Variants in SWT1 observed in about 807,000 individuals in gnomAD.
SWT1 encodes the protein transcriptional protein SWT1.
A neutral mutation model predicts 107.3 loss-of-function variants in SWT1; 33 were observed. The observed-to-expected ratio is 0.31, with a 90% CI of 0.23 to 0.41. The LOEUF is 0.41. SWT1 is among the 10% of genes least tolerant of loss of function. The pLI, the probability that SWT1 is intolerant of heterozygous loss-of-function variation, is 1.00. For synonymous variants in SWT1, 345 were observed against 348.3 expected (o/e 0.99, Z 0.11); for missense variants, 898 against 1,028.9 (o/e 0.87, Z 1.74).
At chr1:185,171,409 A>G (rs1215076315) in intron 4 of SWT1, 2 of 211,046 alleles carry the variant, frequency 9.5e-6, no homozygotes, top group East Asian at 1.5e-4. Context: ...TTTTGCTGTT[A>G]GCAGTTACGC....
intron 7 of SWT1, among the ~76,000 whole-genome samples, chr1:185,183,005 C>T (rs1259337606): frequency 6.6e-6 from 1 of 151,038 alleles, no homozygotes; most frequent in East Asian, 2.0e-4. Flanking sequence ...GGCATGGTGG[C>T]CCATGCCTGT....
chr1:185,166,668 T>A lies in SWT1; in HGVS notation c.165+16T>A, dbSNP rs546802647. 62 of 1,475,462 alleles carry A rather than the reference T, an allele frequency of 4.2e-5. No homozygotes were observed. The South Asian group carries it at 7.2e-4, about 17-fold the overall frequency. The allele number at this position is 1,475,462 out of a possible 1,614,324, so 91.4% of individuals were successfully genotyped here. Reference sequence around the variant, plus strand: ...GAGAAAACTGGTGAGTGTCTAGATATAACTAACTAAAAGTTATTTATGCTA... The same window carrying A: ...GAGAAAACTGGTGAGTGTCTAGATAAAACTAACTAAAAGTTATTTATGCTA... On this transcript the variant is annotated intron_variant, in intron 3 of 18. Transcript: ENST00000367500.
intron 18 of SWT1, among the ~76,000 whole-genome samples, chr1:185,287,955 A>G (rs1301542622): frequency 6.6e-6 from 1 of 152,240 alleles, no homozygotes; most frequent in Non-Finnish European, 1.5e-5. Context: ...GGTGAGAGGA[A>G]GAAAAACATA....
At chr1:185,273,320 G>T (rs1393119602) in intron 17 of SWT1, among the ~76,000 whole-genome samples, 2 of 151,968 alleles carry the variant, frequency 1.3e-5, no homozygotes, top group African/African-American at 2.4e-5. Context: ...CAGGAGAATT[G>T]CTTGGACCTG....
chr1:185,157,653 C>T (rs551814419), intron 1 of SWT1: 1 of 152,502 alleles, frequency 6.6e-6, no homozygotes, highest in African/African-American at 2.4e-5. Flanking sequence ...GCACCCTCAC[C>T]TACACCGTGA....
Position 185,182,005 on chromosome 1 carries a change from A to C in SWT1, c.1086A>C (p.Gly362=). The change falls in exon 7 of 19, where the codon GGA becomes GGC. Residue 362 remains glycine (G), a synonymous_variant. Transcript: ENST00000367500. ...ARVGKSVDLP[G]ELMSMEIDLE... ...TGGGAAAAAGTGTGGATTTACCTGG[A>C]GAGTTAATGAGTATGGAAATTGACT... The C allele has an allele frequency of 6.2e-7, 1 of 1,613,764 alleles. No individual in the cohort carries two copies. Among genetic ancestry groups the C allele is most frequent in the Non-Finnish European group, 8.5e-7 (1 of 1,179,756 alleles).
In SWT1 at chr1:185,244,736, CT is replaced by C. The variant is rs1432884166; in HGVS notation, c.2441+13032del. ...TGTTATAACTTTTTAATTTTATGAACTTTTGATTTTTTAATACTTTTTGACT... is the reference window on the plus strand; with the variant it reads ...TGTTATAACTTTTTAATTTTATGAACTTTGATTTTTTAATACTTTTTGACT... On this transcript the variant is annotated intron_variant, in intron 16 of 18. Transcript: ENST00000367500. Among the ~76,000 whole-genome samples, 3 of 152,200 alleles carry C rather than the reference CT, an allele frequency of 2.0e-5. No individual in the cohort carries two copies. The East Asian group carries it at 5.8e-4, about 29-fold the overall frequency.
intron 15 of SWT1, among the ~76,000 whole-genome samples, chr1:185,222,718 G>A (rs1345578675): frequency 7.1e-6 from 1 of 140,818 alleles, no homozygotes; most frequent in Admixed American, 7.6e-5. Flanking sequence ...TGAACTGACT[G>A]TGCCACTGCA....
rs530062524 is a variant in SWT1, at chr1:185,271,027, T to C, written c.2442-296T>C. ...TCTACTTTTTGAGAAATCTGTATTATTGTATCTTAAAATGTGAACTATAAC... is the reference window on the plus strand; with the variant it reads ...TCTACTTTTTGAGAAATCTGTATTACTGTATCTTAAAATGTGAACTATAAC... On this transcript the variant is annotated intron_variant, in intron 16 of 18. Coordinates refer to ENST00000367500, the MANE Select transcript of SWT1 (RefSeq NM_017673.7). 5.3e-5 allele frequency among the ~76,000 whole-genome samples: 8 copies of C among 152,342 alleles called. No homozygotes were observed. In the East Asian group the frequency reaches 1.5e-3, roughly 29 times the overall value.
rs878914027 is a variant in SWT1 at position 185,166,736 on chromosome 1, C to A, written c.165+84C>A. 8.4e-6 allele frequency: 7 copies of A among 828,532 alleles called. No homozygotes were observed. The South Asian group carries it at 1.1e-4, about 13-fold the overall frequency. 51.3% of individuals were successfully genotyped at this position (828,532 alleles called of 1,614,324 possible). A position where few individuals can be genotyped will look rare whatever the true frequency, so the allele number is the denominator to read the frequency against. On this transcript the variant is annotated intron_variant, in intron 3 of 18. Transcript: ENST00000367500. The stretch of plus-strand genomic sequence containing the variant: ...GTTTGTGATATAAATTCCTCCTATA[C>A]TTTTTGATAGCCAATAGAAAGTCAG...
Position 185,175,083 on chromosome 1 carries a change from T to C in SWT1, c.936T>C (p.Asn312=). 6.4e-7 allele frequency: 1 copy of C among 1,570,070 alleles called. No individual in the cohort carries two copies. Among genetic ancestry groups the C allele is most frequent in the South Asian group, 1.2e-5 (1 of 83,184 alleles). ...ATCATTATGACCATCAAGAAAGTAA[T>C]GATTCACATTCTAGGGAAAACCTAA... ...RKHHYDHQES[N]DSHSRENLTQ... Residue 312 remains asparagine (N), a synonymous_variant, in exon 5 of 19, where the codon AAT becomes AAC. Coordinates refer to ENST00000367500, the MANE Select transcript of SWT1 (RefSeq NM_017673.7).
intron 16 of SWT1, among the ~76,000 whole-genome samples, chr1:185,244,855 G>A (rs1006813342): frequency 1.3e-5 from 2 of 152,080 alleles, no homozygotes; most frequent in Non-Finnish European, 2.9e-5. Context: ...CCAAGGCAGG[G>A]GGTTTGCTTG....
chr1:185,251,946 C>T (rs1558075688), intron 16 of SWT1, among the ~76,000 whole-genome samples: 1 of 151,626 alleles, frequency 6.6e-6, no homozygotes. Flanking sequence ...CCTCCCCCCT[C>T]CACCCACCCC....
At chr1:185,266,972 T>C (rs1487082048) in intron 16 of SWT1, among the ~76,000 whole-genome samples, 1 of 152,194 alleles carries the variant, frequency 6.6e-6, no homozygotes, top group Admixed American at 6.5e-5. Flanking sequence ...AGTTTAACTG[T>C]TTTAAATGGA....
At chr1:185,229,905 T>A (rs1454168622) in intron 15 of SWT1, among the ~76,000 whole-genome samples, 1 of 151,894 alleles carries the variant, frequency 6.6e-6, no homozygotes, top group Non-Finnish European at 1.5e-5. Context: ...AGCAGAGTGG[T>A]GGTTGCAGGG....
chr1:185,220,286 C>T (rs1659556507), intron 14 of SWT1, among the ~76,000 whole-genome samples: 1 of 149,446 alleles, frequency 6.7e-6, no homozygotes. Flanking sequence ...AGAGCACTCA[C>T]TTACCTGTTA....
chr1:185,214,085 A>G (rs1659032111), intron 13 of SWT1, among the ~76,000 whole-genome samples: 1 of 152,134 alleles, frequency 6.6e-6, no homozygotes, highest in Non-Finnish European at 1.5e-5. Context: ...GGTGATGACG[A>G]GAGGTACCAT....
In SWT1 at chr1:185,184,230, T is replaced by C; in HGVS notation, c.1139-13T>C. The C allele has an allele frequency of 7.4e-7, 1 of 1,344,794 alleles. No individual in the cohort carries two copies. The highest frequency in any genetic ancestry group is 1.5e-5 in the African/African-American group (1 of 67,962). 83.3% of individuals were successfully genotyped at this position (1,344,794 alleles called of 1,614,324 possible). A position where few individuals can be genotyped will look rare whatever the true frequency, so the allele number is the denominator to read the frequency against. On this transcript the variant is annotated splice_polypyrimidine_tract_variant and intron_variant, in intron 7 of 18. Coordinates refer to ENST00000367500, the MANE Select transcript of SWT1 (RefSeq NM_017673.7). The stretch of plus-strand genomic sequence containing the variant: ...TTATCAAGTGTCATGAAATATTTGC[T>C]CTTTTTCTTTAGCAAATAATACTTC...
chr1:185,261,123 G>T (rs538591162), intron 16 of SWT1, among the ~76,000 whole-genome samples: 1 of 152,170 alleles, frequency 6.6e-6, no homozygotes, highest in African/African-American at 2.4e-5. Flanking sequence ...TCTATCCACA[G>T]AATTCTTTTC....
Sources: allele counts gnomAD v4.1 joint callset (sites outside exome capture counted in the v4.1 genomes callset), GRCh38; gene constraint gnomAD v4.1.1; transcripts MANE v1.5; gene names NCBI Gene and HGNC (gene_info 2026-07-23, HGNC 2026-07-21).